Variants in NDUFAB1 observed in about 807,000 individuals in gnomAD.
NDUFAB1 encodes the protein acyl carrier protein, mitochondrial.
NDUFAB1 carries 5 observed loss-of-function variants against 16.1 expected under a neutral mutation model. The ratio of observed to expected loss-of-function variants is 0.31; its 90% CI spans 0.16 to 0.65. The LOEUF is 0.65. Among genes scored for constraint, NDUFAB1 ranks in the 30% least tolerant of loss-of-function variants. The pLI is 0.77. For synonymous variants in NDUFAB1, 85 were observed against 78.4 expected (o/e 1.08, Z -0.44); for missense variants, 187 against 205.3 (o/e 0.91, Z 0.54).
intron 1 of NDUFAB1, among the ~76,000 whole-genome samples, chr16:23,593,848 C>A (rs896291865): frequency 6.8e-6 from 1 of 146,822 alleles, no homozygotes; most frequent in African/African-American, 2.5e-5. Flanking sequence ...CCTTTTTAAC[C>A]CTTATTTATT....
chr16:23,593,672 C>G (rs1218803819), intron 1 of NDUFAB1, among the ~76,000 whole-genome samples: 1 of 152,196 alleles, frequency 6.6e-6, no homozygotes. Flanking sequence ...TGGAAACTCT[C>G]TGGCCCCTTC....
At chr16:23,581,734 C>G (rs2142229734) in intron 4 of NDUFAB1, 1 of 152,320 alleles carries the variant, frequency 6.6e-6, no homozygotes, top group East Asian at 1.9e-4. Flanking sequence ...TTTGCTTTCA[C>G]AAAAGCCCCA....
rs758389526 is a variant in NDUFAB1, at chr16:23,582,356, T to C, written c.399A>G (p.Ile133Met). The C allele has an allele frequency of 5.2e-5, 81 of 1,572,714 alleles. No individual in the cohort carries two copies. The highest frequency in any genetic ancestry group is 6.8e-5 in the Non-Finnish European group (79 of 1,162,354). ...EDEFGFEIPD[I>M]DAEKLMCPQE... ...GTGGACACATTAACTTTTCAGCATC[T>C]ATATCAGGAATTTCAAACCCTAAAA... Residue 133 changes from isoleucine (I) to methionine (M), a missense_variant, in exon 4 of 5, where the codon ATA becomes ATG. Transcript: ENST00000007516.
At chr16:23,590,208 AT>A (rs1244606044) in intron 1 of NDUFAB1, among the ~76,000 whole-genome samples, 1 of 152,220 alleles carries the variant, frequency 6.6e-6, no homozygotes, top group Non-Finnish European at 1.5e-5. Flanking sequence ...ATGTGATTAA[AT>A]TAAACGAGTC....
At chr16:23,585,526 T>C in intron 2 of NDUFAB1, 103 bp from the exon 3 acceptor site, 2 of 806,804 alleles carry the variant, frequency 2.5e-6, no homozygotes, top group Admixed American at 4.2e-5. Context: ...ATTGAATTTA[T>C]TATACTTTAA....
At chr16:23,594,351 G>T (rs1464254522) in intron 1 of NDUFAB1, among the ~76,000 whole-genome samples, 1 of 151,768 alleles carries the variant, frequency 6.6e-6, no homozygotes. Context: ...AGATTCTGTC[G>T]ATCTGGCACG....
At chr16:23,585,493 G>T in intron 2 of NDUFAB1, 70 bp from the exon 3 acceptor site, 2 of 1,040,480 alleles carry the variant, frequency 1.9e-6, no homozygotes, top group Non-Finnish European at 3.0e-6. Context: ...TAACAGGGTG[G>T]TACAATGCCA....
intron 1 of NDUFAB1, among the ~76,000 whole-genome samples, chr16:23,592,162 A>G (rs900957373): frequency 6.6e-6 from 1 of 152,156 alleles, no homozygotes; most frequent in African/African-American, 2.4e-5. Flanking sequence ...TGATAATTCA[A>G]GGAGAGGGAA....
At chr16:23,583,434 G>A (rs1386647280) in intron 3 of NDUFAB1, among the ~76,000 whole-genome samples, 10 of 149,496 alleles carry the variant, frequency 6.7e-5, no homozygotes, top group South Asian at 2.1e-4. Flanking sequence ...CCACCATCCC[G>A]TCTAGGAAGT....
chr16:23,582,092 C>A, intron 4 of NDUFAB1, 184 bp downstream of exon 4: 3 of 566,590 alleles, frequency 5.3e-6, no homozygotes, highest in South Asian at 6.3e-5. Context: ...CAGTTCTCAA[C>A]CTCTCAAAGA....
chr16:23,587,066 T>C (rs542582880), intron 2 of NDUFAB1, 131 bp downstream of exon 2: 10 of 819,906 alleles, frequency 1.2e-5, no homozygotes, highest in Non-Finnish European at 1.9e-5. Flanking sequence ...TAGCGCTGGC[T>C]ATCTCCCAGA....
rs1298879925 is a variant in NDUFAB1, at chr16:23,582,725, G to GTCTCCC, written c.380-356_380-351dup. On this transcript the variant is annotated intron_variant, in intron 3 of 4. Transcript: ENST00000007516. ...CCAGCTCCCTCTCCCTCTCCCCACGGTCTCCCTCTCCCTCTCCCTCTTCCC... is the reference window on the plus strand; with the variant it reads ...CCAGCTCCCTCTCCCTCTCCCCACGGTCTCCCTCTCCCTCTCCCTCTCCCTCTTCCC... 6.1e-3 allele frequency among the ~76,000 whole-genome samples: 889 copies of GTCTCCC among 146,570 alleles called. 12 individuals are homozygous for GTCTCCC. Among genetic ancestry groups the GTCTCCC allele is most frequent in the Non-Finnish European group, 0.01 (675 of 66,082 alleles).
In NDUFAB1 at chr16:23,582,257, A is replaced by G; in HGVS notation, c.*8+19T>C. 1.7e-5 allele frequency: 24 copies of G among 1,453,330 alleles called. No homozygotes were observed. The highest frequency in any genetic ancestry group is 2.2e-5 in the Non-Finnish European group (24 of 1,099,754). 90.0% of individuals were successfully genotyped at this position (1,453,330 alleles called of 1,614,324 possible). ...ACAGACAAATCTATGGGTGAACATC[A>G]TTTTTTAAGTCTATTTACCTGATAC... On this transcript the variant is annotated intron_variant, in intron 4 of 4. Transcript: ENST00000007516.
At chr16:23,593,889 TTTATTTA>T (rs1455455744) in intron 1 of NDUFAB1, among the ~76,000 whole-genome samples, 1 of 146,054 alleles carries the variant, frequency 6.8e-6, no homozygotes. Flanking sequence ...TATTTATTTA[TTTATTTA>T]TTGAGATGGA....
intron 1 of NDUFAB1, among the ~76,000 whole-genome samples, chr16:23,590,644 T>C (rs111602706): frequency 7.0e-5 from 9 of 129,328 alleles, no homozygotes; most frequent in African/African-American, 1.7e-4. Flanking sequence ...GTCTCTTTTT[T>C]TTTTTTTTTT....
chr16:23,588,658 T>C (rs1164507021), intron 1 of NDUFAB1, among the ~76,000 whole-genome samples: 1 of 152,134 alleles, frequency 6.6e-6, no homozygotes, highest in African/African-American at 2.4e-5. Context: ...GTATAACCTC[T>C]GTAGAAGAAA....
At chr16:23,588,983 AAAG>A (rs1405476723) in intron 1 of NDUFAB1, among the ~76,000 whole-genome samples, 1 of 152,092 alleles carries the variant, frequency 6.6e-6, no homozygotes, top group Non-Finnish European at 1.5e-5. Context: ...TCAAAAAAGA[AAAG>A]AAAAAGAAGT....
chr16:23,594,864 G>A (rs1597057499), intron 1 of NDUFAB1, among the ~76,000 whole-genome samples: 1 of 152,180 alleles, frequency 6.6e-6, no homozygotes, highest in Non-Finnish European at 1.5e-5. Flanking sequence ...CTTTGAAAAG[G>A]GGTTTCATAA....
chr16:23,584,841 C>T (rs557259522), intron 3 of NDUFAB1, among the ~76,000 whole-genome samples: 1 of 152,226 alleles, frequency 6.6e-6, no homozygotes, highest in African/African-American at 2.4e-5. Flanking sequence ...AGCCATGGAA[C>T]CTTATAAAGG....
Sources: allele counts gnomAD v4.1 joint callset (sites outside exome capture counted in the v4.1 genomes callset), GRCh38; gene constraint gnomAD v4.1.1; transcripts MANE v1.5; gene names NCBI Gene and HGNC (gene_info 2026-07-23, HGNC 2026-07-21).